PAFAH2: variants seen among roughly 807,000 people sequenced by gnomAD.
PAFAH2 encodes platelet activating factor acetylhydrolase 2, also known as platelet-activating factor acetylhydrolase 2, cytoplasmic.
PAFAH2 carries 42 observed loss-of-function variants against 49.0 expected under a neutral mutation model. The observed-to-expected ratio is 0.86, with a 90% CI of 0.67 to 1.11. PAFAH2 has a LOEUF of 1.11. Among genes scored for constraint, PAFAH2 ranks in the 50% least tolerant of loss-of-function variants. The pLI is 0.00. For synonymous variants in PAFAH2, 184 were observed against 181.3 expected (o/e 1.01, Z -0.12); for missense variants, 503 against 501.8 (o/e 1.00, Z -0.02).
intron 7 of PAFAH2, among the ~76,000 whole-genome samples, chr1:25,980,515 G>A (rs953678159): frequency 2.7e-5 from 4 of 150,794 alleles, no homozygotes; most frequent in African/African-American, 9.7e-5. Context: ...CGCCATGTTG[G>A]CCAGGATGGT....
intron 3 of PAFAH2, among the ~76,000 whole-genome samples, 177 bp from the exon 4 acceptor site, chr1:25,988,504 G>A (rs1018528791): frequency 1.2e-4 from 18 of 152,006 alleles, no homozygotes; most frequent in African/African-American, 4.1e-4. Flanking sequence ...TCCCTAGGAA[G>A]AGTGAACACA....
At chr1:25,977,797 G>A (rs979646426) in intron 7 of PAFAH2, among the ~76,000 whole-genome samples, 2 of 152,048 alleles carry the variant, frequency 1.3e-5, no homozygotes, top group African/African-American at 4.8e-5. Flanking sequence ...TGGTCCGAGG[G>A]TCCATGACAC....
chr1:25,996,080 A>T (rs748920043), intron 1 of PAFAH2, among the ~76,000 whole-genome samples: 40 of 152,204 alleles, frequency 2.6e-4, no homozygotes, highest in Non-Finnish European at 3.4e-4. Flanking sequence ...CTATGGCCAG[A>T]CGCAGTGGCT....
intron 7 of PAFAH2, among the ~76,000 whole-genome samples, chr1:25,979,654 A>AT (rs932810165): frequency 2.0e-4 from 31 of 151,568 alleles, no homozygotes. Context: ...TGCCCAGCTA[A>AT]TTTTTTTGTA....
chr1:25,972,649 G>A lies in PAFAH2; in HGVS notation c.993C>T (p.Phe331=). 6.2e-7 allele frequency: 1 copy of A among 1,613,926 alleles called. No individual in the cohort carries two copies. Among genetic ancestry groups the A allele is most frequent in the South Asian group, 1.1e-5 (1 of 91,078 alleles). Residue 331 remains phenylalanine (F), a synonymous_variant, in exon 10 of 11, where the codon TTC becomes TTT. Coordinates refer to ENST00000374282, the MANE Select transcript of PAFAH2 (RefSeq NM_000437.4). The part of the protein sequence containing the change: ...AFVTGNLIGK[F]FSTETRGSLD... ...GGCTCCCACGGGTTTCAGTGGAGAA[G>A]AATTTACCAATCAAGTTGCCAGTCA...
At chr1:25,982,960 C>G (rs1469511) in intron 6 of PAFAH2, among the ~76,000 whole-genome samples, 79,589 of 151,952 alleles carry the variant, frequency 0.52, 24,598 homozygotes, top group East Asian at 0.7. Flanking sequence ...GTTACTTCTC[C>G]CCAGGCCTGG....
intron 4 of PAFAH2, 57 bp from the exon 5 acceptor site, chr1:25,984,585 C>T: frequency 8.0e-6 from 11 of 1,374,500 alleles, no homozygotes; most frequent in Non-Finnish European, 1.1e-5. Context: ...CAGCCTTCAC[C>T]CTCATTCCAA....
At chr1:25,997,650 G>C (rs1253132845) in intron 1 of PAFAH2, 4 of 152,404 alleles carry the variant, frequency 2.6e-5, no homozygotes. Context: ...ACAGAAAACT[G>C]AGAGTAAGAG....
rs749122411 is a variant in PAFAH2 at position 25,990,765 on chromosome 1, C to T, written c.52G>A (p.Val18Ile). 1.1e-5 allele frequency: 17 copies of T among 1,613,854 alleles called. No homozygotes were observed. The highest frequency in any genetic ancestry group is 3.3e-5 in the South Asian group (3 of 91,056). Reference sequence around the variant, plus strand: ...CCCTCCATCACATCCCCACAGCCTACGAGGTGGGGTCCTGTGACAGGTGGA... The same window carrying T: ...CCCTCCATCACATCCCCACAGCCTATGAGGTGGGGTCCTGTGACAGGTGGA... ...GFPPVTGPHL[V>I]GCGDVMEGQN... Residue 18 changes from valine (V) to isoleucine (I), a missense_variant, in exon 2 of 11, where the codon GTA becomes ATA. Physicochemically the swap from Val to Ile is conservative, Grantham distance 29. Transcript: ENST00000374282.
chr1:25,992,655 T>C (rs577533009), intron 1 of PAFAH2, among the ~76,000 whole-genome samples: 1 of 152,220 alleles, frequency 6.6e-6, no homozygotes, highest in Admixed American at 6.5e-5. Flanking sequence ...AAAGGCAATT[T>C]ACCCAATAAC....
chr1:25,993,495 T>C (rs2049901678), intron 1 of PAFAH2, among the ~76,000 whole-genome samples: 2 of 152,328 alleles, frequency 1.3e-5, no homozygotes, highest in South Asian at 4.1e-4. Context: ...AGTCTCCTGG[T>C]TGTCAGCTGC....
At chr1:25,984,613 C>A (rs534664018) in intron 4 of PAFAH2, 85 bp from the exon 5 acceptor site, 1 of 1,089,060 alleles carries the variant, frequency 9.2e-7, no homozygotes, top group Non-Finnish European at 1.4e-6. Flanking sequence ...CTGCTAGCAG[C>A]CATCTTGTGG....
chr1:25,969,118 T>C (rs189762751), intron 10 of PAFAH2, among the ~76,000 whole-genome samples: 38 of 152,322 alleles, frequency 2.5e-4, no homozygotes, highest in Middle Eastern at 3.4e-3. Context: ...CTCTGGCTTC[T>C]GCCCACTTCT....
At chr1:25,980,623 A>G (rs925452766) in intron 7 of PAFAH2, among the ~76,000 whole-genome samples, 1 of 147,260 alleles carries the variant, frequency 6.8e-6, no homozygotes, top group African/African-American at 2.5e-5. Flanking sequence ...ATATATATAT[A>G]TATATATATT....
chr1:25,983,851 A>G, intron 6 of PAFAH2, 95 bp downstream of exon 6: 1 of 1,376,100 alleles, frequency 7.3e-7, no homozygotes, highest in Non-Finnish European at 1.0e-6. Context: ...TATGACTGAC[A>G]TTTCAAGAGA....
At chr1:25,988,414 T>A (rs927571880) in intron 3 of PAFAH2, 87 bp from the exon 4 acceptor site, 11 of 927,170 alleles carry the variant, frequency 1.2e-5, no homozygotes, top group Non-Finnish European at 1.9e-5. Flanking sequence ...GGTGGGGACA[T>A]GTGTTTCTCC....
At chr1:25,987,358 T>C (rs1369374102) in intron 4 of PAFAH2, among the ~76,000 whole-genome samples, 1 of 152,188 alleles carries the variant, frequency 6.6e-6, no homozygotes, top group East Asian at 1.9e-4. Flanking sequence ...ACAGATGCCT[T>C]TGAGATGTGC....
rs775957976 is a variant in PAFAH2 at position 25,974,470 on chromosome 1, G to A, written c.929+10C>T. 3 of 1,591,932 alleles carry A rather than the reference G, an allele frequency of 1.9e-6. No homozygotes were observed. The highest frequency in any genetic ancestry group is 1.7e-6 in the Non-Finnish European group (2 of 1,167,822). ...AGGGCCCTGGGATCACGACCTTGTG[G>A]TTTACTCACAGAACGGTTATGATCC... On this transcript the variant is annotated intron_variant, in intron 9 of 10. Coordinates refer to ENST00000374282, the MANE Select transcript of PAFAH2 (RefSeq NM_000437.4).
intron 10 of PAFAH2, among the ~76,000 whole-genome samples, chr1:25,967,445 G>A (rs961736623): frequency 9.9e-5 from 15 of 152,120 alleles, no homozygotes; most frequent in South Asian, 2.1e-4. Flanking sequence ...ACTGGGCCCC[G>A]CAAGCAGCAC....
Sources: allele counts gnomAD v4.1 joint callset (sites outside exome capture counted in the v4.1 genomes callset), GRCh38; gene constraint gnomAD v4.1.1; transcripts MANE v1.5; gene names NCBI Gene and HGNC (gene_info 2026-07-23, HGNC 2026-07-21).